CCDC150: variants seen among roughly 807,000 people sequenced by gnomAD.
CCDC150 encodes the protein coiled-coil domain-containing protein 150.
A neutral mutation model predicts 156.5 loss-of-function variants in CCDC150; 151 were observed. The ratio of observed to expected loss-of-function variants is 0.97; its 90% CI spans 0.85 to 1.10. The LOEUF is 1.10. Ranked by LOEUF, CCDC150 falls within the 50% of genes least tolerant of loss-of-function variation. The pLI is 0.00. For missense variants in CCDC150, 1,312 were observed against 1,268.1 expected, an observed-to-expected ratio of 1.03 and a Z score of -0.53; for synonymous variants, 452 against 429.4, an observed-to-expected ratio of 1.05 and a Z score of -0.65.
At chr2:196,696,158 TCA>T (rs1403629196) in intron 14 of CCDC150, among the ~76,000 whole-genome samples, 1 of 152,194 alleles carries the variant, frequency 6.6e-6, no homozygotes, top group African/African-American at 2.4e-5. Flanking sequence ...TGTCTGAGCC[TCA>T]GTTTCTTAAT....
rs191070409 is a variant in CCDC150 at position 196,692,045 on chromosome 2, G to T, written c.1510-3001G>T. Reference sequence around the variant, plus strand: ...TGATTTTGATTATTTCTTGTCTTCTGCTAGCTTTGAGATTTGTTTGCTCTT... The same window carrying T: ...TGATTTTGATTATTTCTTGTCTTCTTCTAGCTTTGAGATTTGTTTGCTCTT... On this transcript the variant is annotated intron_variant, in intron 13 of 27. Transcript: ENST00000389175. Among the ~76,000 whole-genome samples the T allele has an allele frequency of 7.2e-3, 1,086 of 151,436 alleles. 11 individuals carry two copies. The highest frequency in any genetic ancestry group is 0.025 in the African/African-American group (1,030 of 41,266).
At chr2:196,656,494 A>T in intron 2 of CCDC150, 139 bp from the exon 3 acceptor site, 1 of 630,544 alleles carries the variant, frequency 1.6e-6, no homozygotes, top group Non-Finnish European at 2.8e-6. Flanking sequence ...ATGTGGAGGG[A>T]GAGTCAGAAG....
chr2:196,641,162 T>G (rs1559207384), intron 1 of CCDC150, among the ~76,000 whole-genome samples: 3 of 151,738 alleles, frequency 2.0e-5, no homozygotes, highest in Non-Finnish European at 4.4e-5. Flanking sequence ...GTATTTTTAG[T>G]GAGACGGGGT....
chr2:196,694,686 AC>A (rs1695708547), intron 13 of CCDC150, among the ~76,000 whole-genome samples: 1 of 151,610 alleles, frequency 6.6e-6, no homozygotes, highest in Non-Finnish European at 1.5e-5. Flanking sequence ...ACATGATGAA[AC>A]CCCGTTTCTA....
chr2:196,721,509 T>C lies in CCDC150; in HGVS notation c.2260-13T>C, dbSNP rs1366654571. The C allele has an allele frequency of 6.3e-7, 1 of 1,585,836 alleles. No homozygotes were observed. Among genetic ancestry groups the C allele is most frequent in the South Asian group, 1.2e-5 (1 of 84,742 alleles). On this transcript the variant is annotated splice_polypyrimidine_tract_variant and intron_variant, in intron 20 of 27. Transcript: ENST00000389175. ...CATTACAGTGGAATTGAAAACATGC[T>C]TCTCTCTTTCAGATTGAATCTCTAC...
chr2:196,650,374 AC>A (rs1160512883), intron 2 of CCDC150, among the ~76,000 whole-genome samples: 2 of 152,086 alleles, frequency 1.3e-5, no homozygotes, highest in African/African-American at 4.8e-5. Flanking sequence ...CTTTTACTGT[AC>A]TGTGGAAGAT....
chr2:196,715,168 T>A (rs946522629), intron 17 of CCDC150, among the ~76,000 whole-genome samples: 2 of 152,166 alleles, frequency 1.3e-5, no homozygotes, highest in African/African-American at 4.8e-5. Flanking sequence ...CCTACTGATA[T>A]ACTGGCTTGT....
intron 15 of CCDC150, among the ~76,000 whole-genome samples, chr2:196,705,572 A>T (rs1696566311): frequency 6.6e-6 from 1 of 152,064 alleles, no homozygotes; most frequent in Non-Finnish European, 1.5e-5. Context: ...CCCATTTGTC[A>T]ATTTTGGCTT....
At position 196,719,662 on chromosome 2, in the gene CCDC150, G is replaced by T; in HGVS notation, c.2161G>T (p.Glu721Ter). The T allele has an allele frequency of 6.2e-7, 1 of 1,605,250 alleles. No homozygotes were observed. The highest frequency in any genetic ancestry group is 1.7e-5 in the Admixed American group (1 of 58,590). ...RDSEIAGLKK[E>*]RDLNQQRVQK... ...TTCAGAGATTGCAGGCCTCAAGAAAGAAAGGTACCTGTGGTTTTTTTTCCC... is the reference window on the plus strand; with the variant it reads ...TTCAGAGATTGCAGGCCTCAAGAAATAAAGGTACCTGTGGTTTTTTTTCCC... Residue 721 changes from glutamate (E) to a stop codon, truncating the protein, a stop_gained, in exon 19 of 28, where the codon GAA becomes TAA. Transcript: ENST00000389175. LOFTEE classifies it high-confidence loss of function.
chr2:196,666,921 C>T (rs760156996), intron 7 of CCDC150, 73 bp downstream of exon 7: 2 of 1,540,296 alleles, frequency 1.3e-6, no homozygotes, highest in Non-Finnish European at 1.8e-6. Context: ...CTTAAGATCC[C>T]AAATTCTTAA....
chr2:196,677,273 T>C lies in CCDC150; in HGVS notation c.1441-20T>C. 6.5e-7 allele frequency: 1 copy of C among 1,543,466 alleles called. No individual in the cohort carries two copies. The highest frequency in any genetic ancestry group is 8.8e-7 in the Non-Finnish European group (1 of 1,136,268). ...TATAAAATTGACCTATTCCTTTTTT[T>C]TCCCATCCTCCTTGGGCAGGTTAAT... is the stretch of plus-strand genomic sequence containing the variant. On this transcript the variant is annotated intron_variant, in intron 12 of 27. Coordinates refer to ENST00000389175, the MANE Select transcript of CCDC150 (RefSeq NM_001080539.2).
At chr2:196,652,510 G>A (rs1692949839) in intron 2 of CCDC150, among the ~76,000 whole-genome samples, 2 of 152,248 alleles carry the variant, frequency 1.3e-5, no homozygotes, top group Non-Finnish European at 2.9e-5. Flanking sequence ...GGGCCCCCAA[G>A]GCTTTGAACA....
chr2:196,677,883 G>A (rs571175520), intron 13 of CCDC150, among the ~76,000 whole-genome samples: 7 of 152,152 alleles, frequency 4.6e-5, no homozygotes, highest in Admixed American at 4.6e-4. Flanking sequence ...CCAGCTACTC[G>A]GGAGGCTGAG....
intron 10 of CCDC150, among the ~76,000 whole-genome samples, 176 bp from the exon 11 acceptor site, chr2:196,675,967 A>G (rs1490889979): frequency 6.6e-6 from 1 of 151,422 alleles, no homozygotes; most frequent in Non-Finnish European, 1.5e-5. Context: ...GTCAACTCAG[A>G]GGAGGACAAA....
chr2:196,701,333 A>C (rs553726144), intron 15 of CCDC150, among the ~76,000 whole-genome samples, 153 bp downstream of exon 15: 50 of 152,330 alleles, frequency 3.3e-4, no homozygotes, highest in African/African-American at 1.2e-3. Context: ...ATTAATAGCC[A>C]GGTGACTTCT....
Position 196,721,598 on chromosome 2 carries a change from T to A in CCDC150, c.2336T>A (p.Leu779His). Residue 779 changes from leucine to histidine, a missense_variant, in exon 21 of 28, where the codon CTC becomes CAC. Transcript: ENST00000389175. ...RKLAMSLEQALQTNNHLQTKL... is the reference protein window; with the variant it reads ...RKLAMSLEQAHQTNNHLQTKL... ...CTTGCTATGAGTCTGGAACAAGCTC[T>A]CCAGACAAATAATCATCTGCAAACA... 6.2e-7 allele frequency: 1 copy of A among 1,608,256 alleles called. No homozygotes were observed. The highest frequency in any genetic ancestry group is 8.5e-7 in the Non-Finnish European group (1 of 1,177,500).
At chr2:196,722,740 A>G (rs1356976404) in intron 21 of CCDC150, among the ~76,000 whole-genome samples, 2 of 152,088 alleles carry the variant, frequency 1.3e-5, no homozygotes, top group Non-Finnish European at 2.9e-5. Flanking sequence ...AGTCGTTGGC[A>G]GCATCATTTA....
At chr2:196,725,592 C>T (rs1176843715) in intron 21 of CCDC150, among the ~76,000 whole-genome samples, 2 of 152,190 alleles carry the variant, frequency 1.3e-5, no homozygotes, top group Non-Finnish European at 2.9e-5. Context: ...ATCCAGGCAG[C>T]AGCAGGCTGA....
At chr2:196,692,843 A>T (rs956992723) in intron 13 of CCDC150, among the ~76,000 whole-genome samples, 5 of 152,030 alleles carry the variant, frequency 3.3e-5, no homozygotes, top group African/African-American at 1.2e-4. Flanking sequence ...CTTCCATTTG[A>T]TCTAGTGCTG....
Sources: allele counts gnomAD v4.1 joint callset (sites outside exome capture counted in the v4.1 genomes callset), GRCh38; gene constraint gnomAD v4.1.1; transcripts MANE v1.5; gene names NCBI Gene and HGNC (gene_info 2026-07-23, HGNC 2026-07-21).